Variants in COL25A1 observed in about 807,000 individuals in gnomAD.
COL25A1 encodes collagen type XXV alpha 1 chain.
Under a neutral mutation model 128.4 loss-of-function variants are expected in COL25A1, and 103 were observed. The observed-to-expected ratio is 0.80, with a 90% CI of 0.68 to 0.94. The LOEUF (loss-of-function observed/expected upper bound fraction) is 0.94, where lower values mean the gene tolerates loss of function less well. Ranked by LOEUF, COL25A1 falls within the 40% of genes least tolerant of loss-of-function variation. The pLI is 0.00. For synonymous variants in COL25A1, 279 were observed against 277.2 expected (o/e 1.01, Z -0.06); for missense variants, 745 against 840.0 (o/e 0.89, Z 1.40).
At chr4:108,860,719 A>ATGT (rs1737102800) in intron 23 of COL25A1, among the ~76,000 whole-genome samples, 1 of 152,166 alleles carries the variant, frequency 6.6e-6, no homozygotes, top group Non-Finnish European at 1.5e-5. Flanking sequence ...AAAGAAGCTT[A>ATGT]GTTTATGTGT....
At chr4:108,843,179 A>C (rs1734667330) in intron 30 of COL25A1, among the ~76,000 whole-genome samples, 2 of 151,302 alleles carry the variant, frequency 1.3e-5, no homozygotes, top group South Asian at 4.2e-4. Flanking sequence ...AAGAGGAAGA[A>C]GAAGAAAGAA....
At chr4:108,890,830 G>A (rs746885394) in intron 16 of COL25A1, among the ~76,000 whole-genome samples, 24 of 152,018 alleles carry the variant, frequency 1.6e-4, no homozygotes, top group Non-Finnish European at 3.4e-4. Flanking sequence ...CTCTGTACAC[G>A]GGCCACTTGC....
rs564636885 is a variant in COL25A1, at chr4:109,224,614, G to A, written c.367+75969C>T. On this transcript the variant is annotated intron_variant, in intron 3 of 37. Coordinates refer to ENST00000399132, the MANE Select transcript of COL25A1 (RefSeq NM_198721.4). ...TCTTGTTTCTACCAACTCAGTAGAA[G>A]AGTGATTCTCAAGCTGCAGTGTACC... Among the ~76,000 whole-genome samples the A allele has an allele frequency of 2.0e-5, 3 of 152,242 alleles. No individual in the cohort carries two copies. In the East Asian group the frequency reaches 5.8e-4, roughly 29 times the overall value.
chr4:109,064,314 GA>G (rs1372844795), intron 3 of COL25A1, among the ~76,000 whole-genome samples: 6 of 152,104 alleles, frequency 3.9e-5, no homozygotes, highest in African/African-American at 1.4e-4. Context: ...CTTTACAATT[GA>G]AGATTTGTCC....
intron 3 of COL25A1, among the ~76,000 whole-genome samples, chr4:109,140,473 G>A (rs1030418377): frequency 1.3e-5 from 2 of 152,138 alleles, no homozygotes; most frequent in Non-Finnish European, 2.9e-5. Context: ...TGTGAAGAAA[G>A]TCAATGGTAG....
rs962613181 is a variant in COL25A1, at chr4:108,812,504, A to G, written c.*1423T>C. 4 of 152,290 alleles carry G rather than the reference A, an allele frequency of 2.6e-5. No homozygotes were observed. The highest frequency in any genetic ancestry group is 2.0e-4 in the Admixed American group (3 of 15,294). 9.4% of individuals were successfully genotyped at this position (152,290 alleles called of 1,614,324 possible). ...TTAGACTGAAAGTGGAGCTTCTTTT[A>G]TATTCTATCCAATTATCCAAAACAA... is the stretch of plus-strand genomic sequence containing the variant. On this transcript the variant is annotated 3_prime_UTR_variant, in exon 38 of 38. Coordinates refer to ENST00000399132, the MANE Select transcript of COL25A1 (RefSeq NM_198721.4).
chr4:109,238,309 T>A (rs996958374), intron 3 of COL25A1, among the ~76,000 whole-genome samples: 4 of 152,036 alleles, frequency 2.6e-5, no homozygotes, highest in Admixed American at 2.6e-4. Context: ...GCGAAACACA[T>A]ACTTTTTAAG....
At chr4:108,965,145 C>T (rs191450032) in intron 8 of COL25A1, among the ~76,000 whole-genome samples, 24 of 152,318 alleles carry the variant, frequency 1.6e-4, no homozygotes, top group South Asian at 2.1e-4. Flanking sequence ...CTTAATCTGT[C>T]TTGCCAAAGA....
chr4:108,947,821 G>A (rs1748953578), intron 8 of COL25A1, among the ~76,000 whole-genome samples: 1 of 152,124 alleles, frequency 6.6e-6, no homozygotes. Flanking sequence ...TCAGCACAAG[G>A]GAGTGTACCT....
At chr4:109,292,474 C>T (rs1334213693) in intron 3 of COL25A1, among the ~76,000 whole-genome samples, 1 of 152,026 alleles carries the variant, frequency 6.6e-6, no homozygotes, top group Non-Finnish European at 1.5e-5. Flanking sequence ...TCATCATAAA[C>T]ATCTTGCTGT....
At chr4:109,112,867 T>A (rs1416890641) in intron 3 of COL25A1, among the ~76,000 whole-genome samples, 1 of 152,132 alleles carries the variant, frequency 6.6e-6, no homozygotes, top group African/African-American at 2.4e-5. Flanking sequence ...AATGAAAAAG[T>A]CTGTTGAACC....
At chr4:109,280,942 A>G (rs1249242650) in intron 3 of COL25A1, among the ~76,000 whole-genome samples, 1 of 152,180 alleles carries the variant, frequency 6.6e-6, no homozygotes, top group African/African-American at 2.4e-5. Flanking sequence ...GTGTCATAAT[A>G]TCTACAACTT....
At chr4:109,090,705 AT>A (rs35218040) in intron 3 of COL25A1, among the ~76,000 whole-genome samples, 11,123 of 152,244 alleles carry the variant, frequency 0.073, 828 homozygotes, top group Admixed American at 0.24. Context: ...CAACTGGAAT[AT>A]TATCAGTTTA....
chr4:109,010,467 TCACA>T, intron 5 of COL25A1, 92 bp from the exon 6 acceptor site: 3 of 870,310 alleles, frequency 3.4e-6, no homozygotes, highest in African/African-American at 1.8e-5. Flanking sequence ...CTGGAAATAT[TCACA>T]AATATTTCTG....
chr4:108,960,277 T>G (rs1186883694), intron 8 of COL25A1, among the ~76,000 whole-genome samples: 2 of 152,204 alleles, frequency 1.3e-5, no homozygotes, highest in East Asian at 1.9e-4. Flanking sequence ...ATCATCAAAA[T>G]TATAGTGATT....
intron 3 of COL25A1, among the ~76,000 whole-genome samples, chr4:109,196,462 G>A (rs947136177): frequency 1.3e-5 from 2 of 152,110 alleles, no homozygotes; most frequent in Non-Finnish European, 2.9e-5. Context: ...TTTACATAGA[G>A]AGTATATGTT....
chr4:108,869,462 G>A (rs995783355), intron 19 of COL25A1, among the ~76,000 whole-genome samples: 4 of 152,170 alleles, frequency 2.6e-5, no homozygotes, highest in African/African-American at 9.7e-5. Context: ...AGAAGTACAG[G>A]TAACCTGCGG....
At chr4:109,301,486 C>T (rs1725519731) in intron 2 of COL25A1, among the ~76,000 whole-genome samples, 1 of 152,098 alleles carries the variant, frequency 6.6e-6, no homozygotes, top group African/African-American at 2.4e-5. Flanking sequence ...ATGTGTTTAA[C>T]ACGCAAACAT....
In COL25A1 at chr4:109,158,805, C is replaced by T. The variant is rs984237326; in HGVS notation, c.368-108626G>A. 3.3e-5 allele frequency among the ~76,000 whole-genome samples: 5 copies of T among 152,148 alleles called. No homozygotes were observed. The South Asian group carries it at 1.0e-3, about 32-fold the overall frequency. Reference sequence around the variant, plus strand: ...TAAACAGTTACCTGCTTCAAAAACTCAAAAGGAAGAAATGGTTATGTGTTG... The same window carrying T: ...TAAACAGTTACCTGCTTCAAAAACTTAAAAGGAAGAAATGGTTATGTGTTG... On this transcript the variant is annotated intron_variant, in intron 3 of 37. Transcript: ENST00000399132.
Sources: gnomAD v4.1 joint callset for allele counts (sites outside exome capture counted in the v4.1 genomes callset) on GRCh38, gnomAD v4.1.1 for gene constraint, MANE v1.5 for transcripts, NCBI Gene and HGNC (gene_info 2026-07-23, HGNC 2026-07-21) for gene names.